The following JMY variants were observed in gnomAD, a reference collection of about 807,000 sequenced individuals.
The protein encoded by JMY is junction-mediating and -regulatory protein.
A neutral mutation model predicts 103.3 loss-of-function variants in JMY; 46 were observed. The observed-to-expected ratio is 0.45, with a 90% confidence interval of 0.35 to 0.57. The LOEUF (loss-of-function observed/expected upper bound fraction) is 0.57, where lower values mean the gene tolerates loss of function less well. Among genes scored for constraint, JMY ranks in the 20% least tolerant of loss-of-function variants. JMY has a pLI of 0.00. For synonymous variants in JMY, 526 were observed against 489.3 expected, an observed-to-expected ratio of 1.07 and a Z score of -0.99; for missense variants, 1,238 against 1,255.2, an observed-to-expected ratio of 0.99 and a Z score of 0.21.
At chr5:79,297,848 G>A (rs7721497) in intron 4 of JMY, among the ~76,000 whole-genome samples, 5,172 of 152,166 alleles carry the variant, frequency 0.034, 103 homozygotes, top group South Asian at 0.062. Flanking sequence ...AGAACTCACC[G>A]AACCAAAAAA....
chr5:79,303,627 G>T (rs1440333618), intron 6 of JMY, among the ~76,000 whole-genome samples: 6 of 152,172 alleles, frequency 3.9e-5, no homozygotes, highest in Non-Finnish European at 7.4e-5. Flanking sequence ...ATTTGAAAGT[G>T]TGTGCAGAAG....
At chr5:79,301,930 A>AG (rs1157772167) in intron 6 of JMY, among the ~76,000 whole-genome samples, 10 of 152,040 alleles carry the variant, frequency 6.6e-5, no homozygotes, top group Non-Finnish European at 1.3e-4. Flanking sequence ...AAAAATACAA[A>AG]AAATTAGCCA....
At chr5:79,262,977 A>G (rs971993097) in intron 1 of JMY, among the ~76,000 whole-genome samples, 11 of 152,166 alleles carry the variant, frequency 7.2e-5, no homozygotes, top group African/African-American at 2.4e-4. Flanking sequence ...TTTGTATTAC[A>G]TTTACTTTAT....
In JMY at chr5:79,300,076, A is replaced by C; in HGVS notation, c.1528-77A>C. The C allele has an allele frequency of 7.8e-6, 9 of 1,151,594 alleles. 1 individual carries two copies. Among genetic ancestry groups the C allele is most frequent in the South Asian group, 7.7e-5 (6 of 78,336 alleles). 71.3% of individuals were successfully genotyped at this position (1,151,594 alleles called of 1,614,324 possible). ...CTTAATAGGTTTATGCTATCTGATT[A>C]GTATTAATTTTTAATACTAACTCAA... On this transcript the variant is annotated intron_variant, in intron 4 of 10. Coordinates refer to ENST00000396137, the MANE Select transcript of JMY (RefSeq NM_152405.5).
Position 79,310,489 on chromosome 5 carries a change from T to G in JMY, c.1969-1914T>G, listed in dbSNP as rs548054701. ...TAAATAACTAGTCATCTTTAACACA[T>G]ACAGATAAAGCATAATGAAAGTTAG... On this transcript the variant is annotated intron_variant, in intron 7 of 10. Coordinates refer to ENST00000396137, the MANE Select transcript of JMY (RefSeq NM_152405.5). Among the ~76,000 whole-genome samples, 17 of 152,310 alleles carry G rather than the reference T, an allele frequency of 1.1e-4. No homozygotes were observed. In the South Asian group the frequency reaches 3.3e-3, roughly 30 times the overall value.
intron 1 of JMY, among the ~76,000 whole-genome samples, chr5:79,239,364 A>T (rs1209645102): frequency 6.6e-6 from 1 of 152,222 alleles, no homozygotes. Context: ...GTGTTTGGTT[A>T]ATATTGACCT....
rs752065670 is a variant in JMY, at chr5:79,237,602, G to C, written c.952G>C (p.Glu318Gln). Residue 318 changes from glutamate (E) to glutamine (Q), a missense_variant, in exon 1 of 11, where the codon GAG becomes CAG. By Grantham distance (29) the Glu-to-Gln change is conservative. Coordinates refer to ENST00000396137, the MANE Select transcript of JMY (RefSeq NM_152405.5). ...VLFTETDDPE[E>Q]YYESLSELRQ... ...CTTCACCGAGACCGATGATCCCGAG[G>C]AGTATTACGAAAGCCTCAGCGAGCT... 1 of 1,613,784 alleles carries C rather than the reference G, an allele frequency of 6.2e-7. No homozygotes were observed. Among genetic ancestry groups the C allele is most frequent in the South Asian group, 1.1e-5 (1 of 91,064 alleles).
rs1298804170 is a variant in JMY at position 79,270,599 on chromosome 5, T to C, written c.1033-7311T>C. Among the ~76,000 whole-genome samples the C allele has an allele frequency of 6.9e-3, 140 of 20,214 alleles. 24 individuals are homozygous for C. Among genetic ancestry groups the C allele is most frequent in the African/African-American group, 0.029 (133 of 4,516 alleles). The allele number at this position is 20,214 out of a possible 152,430, so 13.3% of individuals were successfully genotyped here. On this transcript the variant is annotated intron_variant, in intron 1 of 10. Transcript: ENST00000396137. ...TATATTTACATAAATATTTAAAATG[T>C]ATATTTACATAAATGTTTATATAAA...
intron 1 of JMY, among the ~76,000 whole-genome samples, chr5:79,267,726 TTTTCTTGCCGAACA>T (rs1486161999): frequency 6.6e-6 from 1 of 152,236 alleles, no homozygotes; most frequent in Non-Finnish European, 1.5e-5. Context: ...GCTCATTTCT[TTTTCTTGCCGAACA>T]TTTCATTGTA....
chr5:79,250,055 G>A lies in JMY; in HGVS notation c.1032+12373G>A, dbSNP rs73772724. Among the ~76,000 whole-genome samples, 36 of 152,268 alleles carry A rather than the reference G, an allele frequency of 2.4e-4. 1 individual carries two copies. Among genetic ancestry groups the A allele is most frequent in the Admixed American group, 5.9e-4 (9 of 15,288 alleles). The stretch of plus-strand genomic sequence containing the variant: ...TAGCGTGGTATCTAATATAGAAACC[G>A]TCATAAATGTCAGCTGCTATTGTGA... On this transcript the variant is annotated intron_variant, in intron 1 of 10. Coordinates refer to ENST00000396137, the MANE Select transcript of JMY (RefSeq NM_152405.5).
intron 4 of JMY, among the ~76,000 whole-genome samples, chr5:79,295,699 A>G (rs76534623): frequency 0.033 from 4,990 of 152,276 alleles, 95 homozygotes; most frequent in South Asian, 0.062. Flanking sequence ...GAAACTTCCA[A>G]TAGTAAGAAG....
In JMY at chr5:79,237,008, C is replaced by T. The variant is rs1429274221; in HGVS notation, c.358C>T (p.Arg120Cys). The T allele has an allele frequency of 1.3e-6, 2 of 1,483,012 alleles. No homozygotes were observed. Among genetic ancestry groups the T allele is most frequent in the Admixed American group, 2.5e-5 (1 of 40,664 alleles). 91.9% of individuals were successfully genotyped at this position (1,483,012 alleles called of 1,614,324 possible). The change falls in exon 1 of 11, where the codon CGC becomes TGC. Residue 120 changes from arginine to cysteine, a missense_variant. Transcript: ENST00000396137. ...WAEGGSPRST[R>C]SLLGDPRLRS... Reference sequence around the variant, plus strand: ...GGAGGGCGGCTCTCCTCGGAGCACTCGCAGCCTTCTGGGGGACCCGCGGCT... The same window carrying T: ...GGAGGGCGGCTCTCCTCGGAGCACTTGCAGCCTTCTGGGGGACCCGCGGCT...
chr5:79,279,700 CT>C (rs140035784), intron 2 of JMY, among the ~76,000 whole-genome samples: 4,628 of 151,966 alleles, frequency 0.03, 87 homozygotes, highest in South Asian at 0.062. Context: ...TTTATCAATA[CT>C]TTTGGAAAAT....
At position 79,237,100 on chromosome 5, in the gene JMY, G is replaced by A. The variant is rs758629676; in HGVS notation, c.450G>A (p.Pro150=). The A allele has an allele frequency of 1.3e-6, 2 of 1,547,996 alleles. No individual in the cohort carries two copies. The highest frequency in any genetic ancestry group is 2.0e-5 in the Admixed American group (1 of 50,914). ...LRSPVRAKPI[P]GQKTSEADDA... ...GCCCAGTGCGGGCCAAACCCATCCC[G>A]GGTCAGAAAACATCTGAAGCCGACG... The change falls in exon 1 of 11, where the codon CCG becomes CCA. Residue 150 remains proline, a synonymous_variant. Transcript: ENST00000396137.
chr5:79,269,013 A>G (rs1745665945), intron 1 of JMY, among the ~76,000 whole-genome samples: 1 of 152,032 alleles, frequency 6.6e-6, no homozygotes, highest in East Asian at 1.9e-4. Context: ...ATGAAGTCCC[A>G]CTCACCAATT....
chr5:79,290,953 C>T (rs1037378074), intron 3 of JMY, among the ~76,000 whole-genome samples, 177 bp from the exon 4 acceptor site: 23 of 152,098 alleles, frequency 1.5e-4, no homozygotes, highest in African/African-American at 5.3e-4. Flanking sequence ...CCACTGCACT[C>T]CAGCCTGGGC....
chr5:79,305,453 A>C (rs1746854373), intron 6 of JMY, among the ~76,000 whole-genome samples: 1 of 152,088 alleles, frequency 6.6e-6, no homozygotes, highest in East Asian at 1.9e-4. Context: ...TCCATCTCAA[A>C]AAAAAAAAGT....
intron 1 of JMY, among the ~76,000 whole-genome samples, chr5:79,250,437 T>C (rs978606181): frequency 2.6e-5 from 4 of 152,262 alleles, no homozygotes. Flanking sequence ...CTCTTCTCCA[T>C]TTTTTTCTGT....
rs555597102 is a variant in JMY, at chr5:79,287,430, A to G, written c.1207-2691A>G. Among the ~76,000 whole-genome samples, 13 of 152,326 alleles carry G rather than the reference A, an allele frequency of 8.5e-5. No homozygotes were observed. In the South Asian group the frequency reaches 2.1e-3, roughly 24 times the overall value. On this transcript the variant is annotated intron_variant, in intron 2 of 10. Coordinates refer to ENST00000396137, the MANE Select transcript of JMY (RefSeq NM_152405.5). ...GAACTAGCTTAAGGTTTTAGGTACA[A>G]TCGACTAATTACGGATCTTTAACCT...
Sources: allele counts gnomAD v4.1 joint callset (sites outside exome capture counted in the v4.1 genomes callset), GRCh38; gene constraint gnomAD v4.1.1; transcripts MANE v1.5; gene names NCBI Gene and HGNC (gene_info 2026-07-23, HGNC 2026-07-21).